The following NT5M variants were observed in gnomAD, a reference collection of about 807,000 sequenced individuals.
NT5M encodes the protein 5'(3')-deoxyribonucleotidase, mitochondrial.
A neutral mutation model predicts 22.2 loss-of-function variants in NT5M; 22 were observed. That is an observed-to-expected ratio of 0.99 (90% CI 0.71 to 1.41). NT5M has a LOEUF of 1.41. NT5M is among the 40% of genes most tolerant of loss of function. The pLI, the probability that NT5M is intolerant of heterozygous loss-of-function variation, is 0.00. For synonymous variants in NT5M, 167 were observed against 133.0 expected (o/e 1.26, Z -1.76); for missense variants, 322 against 314.8 (o/e 1.02, Z -0.17).
chr17:17,333,312 T>C lies in NT5M; in HGVS notation c.429+10067T>C, dbSNP rs115134179. On this transcript the variant is annotated intron_variant, in intron 3 of 4. Transcript: ENST00000389022. ...GTATTTTAATTTTCTTTTTCTTTTTTTTCTTTTTTGAGAGACAGAGTTTTG... is the reference window on the plus strand; with the variant it reads ...GTATTTTAATTTTCTTTTTCTTTTTCTTCTTTTTTGAGAGACAGAGTTTTG... 3.8e-3 allele frequency among the ~76,000 whole-genome samples: 576 copies of C among 152,130 alleles called. 6 individuals carry two copies. Among genetic ancestry groups the C allele is most frequent in the African/African-American group, 0.013 (557 of 41,548 alleles).
chr17:17,346,513 G>A lies in NT5M; in HGVS notation c.545-292G>A, dbSNP rs551226558. Among the ~76,000 whole-genome samples, 3 of 152,336 alleles carry A rather than the reference G, an allele frequency of 2.0e-5. No individual in the cohort carries two copies. In the South Asian group the frequency reaches 6.2e-4, roughly 32 times the overall value. On this transcript the variant is annotated intron_variant, in intron 4 of 4. Transcript: ENST00000389022. ...AGGGAAGTCGGGGGAACACCATGTG[G>A]TGTAAGCCATCAGGAGGCGGGGCAC...
rs2048723489 is a variant in NT5M at position 17,303,482 on chromosome 17, G to A, written c.-69G>A. On this transcript the variant is annotated 5_prime_UTR_variant, in exon 1 of 5. An upstream start codon of the reference 5' UTR is lost. Coordinates refer to ENST00000389022, the MANE Select transcript of NT5M (RefSeq NM_020201.4). Reference sequence around the variant, plus strand: ...GGGGCTTCTCCTCCGCGGCGGGAATGTCTGGCCGGCTCCGGCAGCACGGCG... The same window carrying A: ...GGGGCTTCTCCTCCGCGGCGGGAATATCTGGCCGGCTCCGGCAGCACGGCG... The A allele has an allele frequency of 9.8e-7, 1 of 1,017,070 alleles. No homozygotes were observed. The highest frequency in any genetic ancestry group is 4.5e-5 in the South Asian group (1 of 22,218). The allele number at this position is 1,017,070 out of a possible 1,614,324, so 63.0% of individuals were successfully genotyped here. A position where few individuals can be genotyped will look rare whatever the true frequency, so the allele number is the denominator to read the frequency against.
At chr17:17,306,815 A>T (rs2048812684) in intron 2 of NT5M, among the ~76,000 whole-genome samples, 172 bp downstream of exon 2, 1 of 152,078 alleles carries the variant, frequency 6.6e-6, no homozygotes, top group African/African-American at 2.4e-5. Flanking sequence ...AAATACAATG[A>T]TCTCGGTTTG....
rs149864482 is a variant in NT5M, at chr17:17,303,736, C to G, written c.186C>G (p.Pro62=). Residue 62 remains proline, a synonymous_variant, in exon 1 of 5, where the codon CCC becomes CCG. Coordinates refer to ENST00000389022, the MANE Select transcript of NT5M (RefSeq NM_020201.4). Reference sequence around the variant, plus strand: ...TCAGGAAGTTCCGCGCGCGCTTTCCCGACCAGCCCTTCATCGCGCTGGAGG... The same window carrying G: ...TCAGGAAGTTCCGCGCGCGCTTTCCGGACCAGCCCTTCATCGCGCTGGAGG... The part of the protein sequence containing the change: ...GFLRKFRARF[P]DQPFIALEDR... The G allele has an allele frequency of 2.5e-6, 4 of 1,591,316 alleles. No homozygotes were observed. The highest frequency in any genetic ancestry group is 3.4e-6 in the Non-Finnish European group (4 of 1,170,986).
At chr17:17,338,004 C>T (rs551854563) in intron 3 of NT5M, among the ~76,000 whole-genome samples, 1 of 152,192 alleles carries the variant, frequency 6.6e-6, no homozygotes, top group East Asian at 1.9e-4. Context: ...AGAGTTTCCC[C>T]AATGTTTTCT....
intron 2 of NT5M, among the ~76,000 whole-genome samples, chr17:17,317,619 G>A (rs2049058378): frequency 6.6e-6 from 1 of 152,152 alleles, no homozygotes; most frequent in African/African-American, 2.4e-5. Context: ...CATTGTGGGT[G>A]TGAATATAAA....
At chr17:17,326,187 G>T (rs1021826840) in intron 3 of NT5M, among the ~76,000 whole-genome samples, 3 of 152,196 alleles carry the variant, frequency 2.0e-5, no homozygotes, top group Non-Finnish European at 2.9e-5. Flanking sequence ...CACTTTTGAG[G>T]TTTACAACAG....
At chr17:17,333,482 C>CT (rs983880257) in intron 3 of NT5M, 20 of 151,198 alleles carry the variant, frequency 1.3e-4, no homozygotes, top group African/African-American at 2.7e-4. Context: ...TTTTAAAACA[C>CT]TTTTTTTTTG....
chr17:17,328,244 G>A (rs747217049), intron 3 of NT5M, among the ~76,000 whole-genome samples: 5 of 152,268 alleles, frequency 3.3e-5, no homozygotes, highest in Middle Eastern at 3.4e-3. Context: ...GGAATTCAGG[G>A]TGAATTTTGT....
At chr17:17,341,784 A>G (rs1419810294) in intron 3 of NT5M, among the ~76,000 whole-genome samples, 1 of 152,218 alleles carries the variant, frequency 6.6e-6, no homozygotes, top group African/African-American at 2.4e-5. Flanking sequence ...TAATCCCAGC[A>G]CTTTGGGAGG....
chr17:17,329,184 T>A (rs1192117637), intron 3 of NT5M, among the ~76,000 whole-genome samples: 2 of 152,164 alleles, frequency 1.3e-5, no homozygotes, highest in East Asian at 3.9e-4. Flanking sequence ...TTCACTGTGT[T>A]AGCCAGGATG....
At chr17:17,325,851 C>T (rs758369851) in intron 3 of NT5M, among the ~76,000 whole-genome samples, 1 of 152,208 alleles carries the variant, frequency 6.6e-6, no homozygotes, top group African/African-American at 2.4e-5. Flanking sequence ...CCCCACATTT[C>T]GTGACCATCA....
chr17:17,343,536 C>T (rs75652674), intron 3 of NT5M, among the ~76,000 whole-genome samples: 2,579 of 152,164 alleles, frequency 0.017, 67 homozygotes, highest in African/African-American at 0.058. Flanking sequence ...ACTCCTGAAG[C>T]GACCTCCAAC....
chr17:17,340,708 G>A (rs1250514135), intron 3 of NT5M, among the ~76,000 whole-genome samples: 1 of 151,816 alleles, frequency 6.6e-6, no homozygotes, highest in Non-Finnish European at 1.5e-5. Flanking sequence ...TGTTTTTTTA[G>A]TAGAGATGGG....
intron 3 of NT5M, among the ~76,000 whole-genome samples, chr17:17,329,207 T>C (rs942138480): frequency 1.3e-5 from 2 of 152,214 alleles, no homozygotes; most frequent in African/African-American, 4.8e-5. Context: ...CTCGATCTCC[T>C]GACCTCGTGA....
At chr17:17,325,475 TG>T (rs987948584) in intron 3 of NT5M, among the ~76,000 whole-genome samples, 3 of 152,214 alleles carry the variant, frequency 2.0e-5, no homozygotes, top group African/African-American at 7.2e-5. Context: ...CCATGTCCCA[TG>T]GGACCGATTT....
At chr17:17,338,012 T>C (rs974049394) in intron 3 of NT5M, among the ~76,000 whole-genome samples, 2 of 152,204 alleles carry the variant, frequency 1.3e-5, no homozygotes, top group African/African-American at 2.4e-5. Flanking sequence ...CCCAATGTTT[T>C]CTTTTAGTAG....
Position 17,344,815 on chromosome 17 carries a change from T to C in NT5M, c.451T>C (p.Phe151Leu), listed in dbSNP as rs752579083. 5 of 1,614,158 alleles carry C rather than the reference T, an allele frequency of 3.1e-6. No homozygotes were observed. In the South Asian group the frequency reaches 5.5e-5, roughly 18 times the overall value. ...CCAGTATGCCTGGGTGGAGAAGTAC[T>C]TTGGCCCTGACTTTCTGGAGCAGAT... ...YEKYAWVEKY[F>L]GPDFLEQIVL... Residue 151 changes from phenylalanine (F) to leucine (L), a missense_variant, in exon 4 of 5, where the codon TTT (phenylalanine) becomes CTT (leucine). Coordinates refer to ENST00000389022, the MANE Select transcript of NT5M (RefSeq NM_020201.4).
At chr17:17,315,370 C>G (rs2049001753) in intron 2 of NT5M, among the ~76,000 whole-genome samples, 1 of 152,140 alleles carries the variant, frequency 6.6e-6, no homozygotes. Flanking sequence ...GGTCTCACAG[C>G]AGGGAAGATG....
Sources: allele counts gnomAD v4.1 joint callset (sites outside exome capture counted in the v4.1 genomes callset), GRCh38; gene constraint gnomAD v4.1.1; transcripts MANE v1.5; gene names NCBI Gene and HGNC (gene_info 2026-07-23, HGNC 2026-07-21).